RO60: variants seen among roughly 807,000 people sequenced by gnomAD.
RO60 encodes the protein Ro60, Y RNA binding protein.
A neutral mutation model predicts 55.3 loss-of-function variants in RO60; 20 were observed. The observed-to-expected ratio is 0.36, with a 90% CI of 0.25 to 0.53. The LOEUF is 0.53. Ranked by LOEUF, RO60 falls within the 20% of genes least tolerant of loss-of-function variation. The pLI, the probability that RO60 is intolerant of heterozygous loss-of-function variation, is 0.92. For missense variants in RO60, 558 were observed against 646.6 expected, an observed-to-expected ratio of 0.86 and a Z score of 1.49; for synonymous variants, 213 against 213.6, an observed-to-expected ratio of 1.00 and a Z score of 0.02.
At position 193,085,889 on chromosome 1, in the gene RO60, A is replaced by G. The variant is rs1468960941; in HGVS notation, c.*1158A>G. On this transcript the variant is annotated 3_prime_UTR_variant, in exon 9 of 9. Coordinates refer to ENST00000400968, the MANE Select transcript of RO60 (RefSeq NM_001173524.2). ...AGGAATTTTTTTCAGTATTATTTGT[A>G]TGTATTAAACTTTTCATTACACTAA... 1 of 985,128 alleles carries G rather than the reference A, an allele frequency of 1.0e-6. No individual in the cohort carries two copies. The highest frequency in any genetic ancestry group is 1.2e-6 in the Non-Finnish European group (1 of 829,790). 61.0% of individuals were successfully genotyped at this position (985,128 alleles called of 1,614,324 possible). A position where few individuals can be genotyped will look rare whatever the true frequency, so the allele number is the denominator to read the frequency against.
rs1446421101 is a variant in RO60, at chr1:193,076,620, A to G, written c.921A>G (p.Lys307=). The part of the protein sequence containing the change: ...GNSEVSLVCE[K]LCNEKLLKKA... Reference sequence around the variant, plus strand: ...CAGAAGTATCTTTAGTATGTGAAAAACTGTGTAATGAAAAACTATTAAAAA... The same window carrying G: ...CAGAAGTATCTTTAGTATGTGAAAAGCTGTGTAATGAAAAACTATTAAAAA... The change falls in exon 4 of 9, where the codon AAA becomes AAG. Residue 307 remains lysine, a synonymous_variant. Coordinates refer to ENST00000400968, the MANE Select transcript of RO60 (RefSeq NM_001173524.2). The G allele has an allele frequency of 3.7e-6, 6 of 1,605,754 alleles. No individual in the cohort carries two copies. The highest frequency in any genetic ancestry group is 1.3e-5 in the African/African-American group (1 of 74,422).
At chr1:193,071,989 ATATT>A (rs1054448960) in intron 2 of RO60, among the ~76,000 whole-genome samples, 69 of 151,830 alleles carry the variant, frequency 4.5e-4, no homozygotes, top group African/African-American at 1.1e-3. Flanking sequence ...CATTCAACAA[ATATT>A]TATTTATTTA....
At position 193,081,428 on chromosome 1, in the gene RO60, G is replaced by C; in HGVS notation, c.1151G>C (p.Arg384Thr). 1 of 1,611,016 alleles carries C rather than the reference G, an allele frequency of 6.2e-7. No individual in the cohort carries two copies. The highest frequency in any genetic ancestry group is 8.5e-7 in the Non-Finnish European group (1 of 1,178,100). The change falls in exon 6 of 9, where the codon AGA becomes ACA. Residue 384 changes from arginine (R) to threonine (T), a missense_variant. Arg to Thr is a moderately conservative substitution (Grantham distance 71, BLOSUM62 -1). Coordinates refer to ENST00000400968, the MANE Select transcript of RO60 (RefSeq NM_001173524.2). ...AVDVSASMNQ[R>T]VLGSILNAST... Reference sequence around the variant, plus strand: ...GATGTCAGTGCTTCTATGAACCAAAGAGTTTTGGGTAGTATACTCAACGCT... The same window carrying C: ...GATGTCAGTGCTTCTATGAACCAAACAGTTTTGGGTAGTATACTCAACGCT...
chr1:193,071,745 C>A (rs1375449176), intron 2 of RO60, among the ~76,000 whole-genome samples: 1 of 147,400 alleles, frequency 6.8e-6, no homozygotes, highest in Non-Finnish European at 1.5e-5. Context: ...TATATATACA[C>A]CTATATATTG....
At chr1:193,076,222 T>C (rs1457895991) in intron 3 of RO60, among the ~76,000 whole-genome samples, 182 bp downstream of exon 3, 1 of 152,118 alleles carries the variant, frequency 6.6e-6, no homozygotes, top group Non-Finnish European at 1.5e-5. Context: ...TAGGTGGCAT[T>C]TGTGTTAGTT....
intron 1 of RO60, chr1:193,060,048 A>G (rs1389707137): frequency 3.0e-6 from 4 of 1,338,756 alleles, no homozygotes; most frequent in Non-Finnish European, 4.0e-6. Context: ...GCTTGTCGGC[A>G]TCGCTCCCCA....
intron 1 of RO60, among the ~76,000 whole-genome samples, chr1:193,066,551 T>A (rs1171032216): frequency 6.6e-6 from 1 of 152,246 alleles, no homozygotes; most frequent in Non-Finnish European, 1.5e-5. Flanking sequence ...CATTCACTCC[T>A]TGAAGTTCTC....
chr1:193,069,674 G>T (rs771472348), intron 2 of RO60, 40 bp downstream of exon 2: 4 of 1,495,182 alleles, frequency 2.7e-6, no homozygotes, highest in Non-Finnish European at 3.6e-6. Flanking sequence ...GGTGGGTAAG[G>T]GATATTCAAT....
chr1:193,081,979 T>A (rs1226037778), intron 6 of RO60, among the ~76,000 whole-genome samples: 1 of 152,196 alleles, frequency 6.6e-6, no homozygotes, highest in East Asian at 1.9e-4. Context: ...ATTTACTGTA[T>A]TTGCTTCAAA....
rs1558260861 is a variant in RO60, at chr1:193,089,399, TACTC to T, written c.*4671_*4674del. 1.3e-5 allele frequency: 2 copies of T among 152,214 alleles called. No homozygotes were observed. Among genetic ancestry groups the T allele is most frequent in the Non-Finnish European group, 2.9e-5 (2 of 68,026 alleles). 9.4% of individuals were successfully genotyped at this position (152,214 alleles called of 1,614,324 possible). ...GGCATAAAAAGTCTTGTAGATAACT[TACTC>T]ACATTTGGCTTTTTTTTAATTGGTG... On this transcript the variant is annotated 3_prime_UTR_variant, in exon 9 of 9. Coordinates refer to ENST00000400968, the MANE Select transcript of RO60 (RefSeq NM_001173524.2).
rs1673889984 is a variant in RO60 at position 193,075,992 on chromosome 1, T to C, written c.753T>C (p.His251=). ...ELEVIHLIEE[H]RLVREHLLTN... ...AAGTCATTCATCTAATAGAAGAACA[T>C]AGATTAGTTAGAGAACATCTTTTAA... Residue 251 remains histidine, a synonymous_variant, in exon 3 of 9, where the codon CAT becomes CAC. Transcript: ENST00000400968. The C allele has an allele frequency of 6.2e-7, 1 of 1,612,320 alleles. No homozygotes were observed. The highest frequency in any genetic ancestry group is 1.1e-5 in the South Asian group (1 of 90,858).
At chr1:193,077,296 C>G (rs1673989715) in intron 5 of RO60, among the ~76,000 whole-genome samples, 2 of 152,094 alleles carry the variant, frequency 1.3e-5, no homozygotes, top group South Asian at 4.1e-4. Context: ...AAGTTACTAA[C>G]TGTATTAGTT....
rs1187718300 is a variant in RO60 at position 193,085,649 on chromosome 1, A to C, written c.*918A>C. On this transcript the variant is annotated 3_prime_UTR_variant, in exon 9 of 9. Transcript: ENST00000400968. ...TTAAAATCTCAACTATAACCAGTTT[A>C]GCTTTTTCCTTACTTTTAAAATAAA... is the stretch of plus-strand genomic sequence containing the variant. 4.1e-6 allele frequency: 4 copies of C among 982,924 alleles called. No individual in the cohort carries two copies. The highest frequency in any genetic ancestry group is 6.2e-5 in the Admixed American group (1 of 16,252). The allele number at this position is 982,924 out of a possible 1,614,324, so 60.9% of individuals were successfully genotyped here.
In RO60 at chr1:193,085,053, A is replaced by T; in HGVS notation, c.*322A>T. On this transcript the variant is annotated 3_prime_UTR_variant, in exon 9 of 9. Coordinates refer to ENST00000400968, the MANE Select transcript of RO60 (RefSeq NM_001173524.2). The stretch of plus-strand genomic sequence containing the variant: ...GTACCTAAAAGAGGTAAGAGCAAAA[A>T]GTGTAATTCCACATCATGTTACTTG... 1.3e-6 allele frequency: 2 copies of T among 1,517,870 alleles called. No homozygotes were observed. The highest frequency in any genetic ancestry group is 1.8e-6 in the Non-Finnish European group (2 of 1,137,368). The allele number at this position is 1,517,870 out of a possible 1,614,324, so 94.0% of individuals were successfully genotyped here. A position where few individuals can be genotyped will look rare whatever the true frequency, so the allele number is the denominator to read the frequency against.
At chr1:193,084,464 T>C in intron 8 of RO60, 115 bp from the exon 9 acceptor site, 1 of 1,265,444 alleles carries the variant, frequency 7.9e-7, no homozygotes, top group South Asian at 1.7e-5. Flanking sequence ...CGCAAAAAAA[T>C]GACTTTGTAT....
rs531042176 is a variant in RO60 at position 193,059,985 on chromosome 1, C to A, written c.-22+209C>A. On this transcript the variant is annotated intron_variant, in intron 1 of 8. Coordinates refer to ENST00000400968, the MANE Select transcript of RO60 (RefSeq NM_001173524.2). This position sits in a 1 kb window ranked among gnomAD's most constrained non-coding sequence, Gnocchi z 4.9. ...TCGCGGTAGGGACATCCTCGCTAGGCCCGGCCGGACCATTCCTCAGGGTGG... is the reference window on the plus strand; with the variant it reads ...TCGCGGTAGGGACATCCTCGCTAGGACCGGCCGGACCATTCCTCAGGGTGG... 2.2e-6 allele frequency: 3 copies of A among 1,366,132 alleles called. No individual in the cohort carries two copies. The highest frequency in any genetic ancestry group is 1.9e-5 in the Admixed American group (1 of 52,572). The allele number at this position is 1,366,132 out of a possible 1,614,324, so 84.6% of individuals were successfully genotyped here.
At position 193,090,586 on chromosome 1, in the gene RO60, G is replaced by A. The variant is rs1482005106; in HGVS notation, c.*5855G>A. ...ATCATCTTTTATAAAAACCAGTGGG[G>A]AGTGGGGTATTATAATCTAGTTCTA... On this transcript the variant is annotated 3_prime_UTR_variant, in exon 9 of 9. Coordinates refer to ENST00000400968, the MANE Select transcript of RO60 (RefSeq NM_001173524.2). 6.6e-6 allele frequency: 1 copy of A among 151,836 alleles called. No homozygotes were observed. Among genetic ancestry groups the A allele is most frequent in the African/African-American group, 2.4e-5 (1 of 41,328 alleles). The allele number at this position is 151,836 out of a possible 1,614,324, so 9.4% of individuals were successfully genotyped here.
intron 2 of RO60, among the ~76,000 whole-genome samples, chr1:193,075,058 G>A (rs1459475074): frequency 1.3e-5 from 2 of 152,260 alleles, no homozygotes; most frequent in Non-Finnish European, 2.9e-5. Context: ...ATGGTGCCTG[G>A]CCTCACCGTG....
intron 8 of RO60, among the ~76,000 whole-genome samples, chr1:193,083,764 G>A (rs912026794): frequency 6.6e-6 from 1 of 152,022 alleles, no homozygotes; most frequent in Non-Finnish European, 1.5e-5. Context: ...GTTTTGTTTT[G>A]TTTTTTTAAG....
Sources: allele counts gnomAD v4.1 joint callset (sites outside exome capture counted in the v4.1 genomes callset), GRCh38; gene constraint gnomAD v4.1.1; non-coding constraint Gnocchi (gnomAD v3.1); transcripts MANE v1.5; gene names NCBI Gene and HGNC (gene_info 2026-07-23, HGNC 2026-07-21).